LOC112694756: variants seen among roughly 807,000 people sequenced by gnomAD.
At chr16:30,070,290 G>T in the LOC112694756 span, 38 of 1,436,628 alleles carry the variant, frequency 2.6e-5, no homozygotes, top group Non-Finnish European at 3.6e-5. Flanking sequence ...CGCCTCCTCG[G>T]GGCTCCAGGC....
At chr16:30,065,307 TGTGGCCCCTATG>T in the LOC112694756 span, among the ~76,000 whole-genome samples, 1 of 152,324 alleles carries the variant, frequency 6.6e-6, no homozygotes, top group East Asian at 1.9e-4. Flanking sequence ...GACTGCGCGA[TGTGGCCCCTATG>T]GTGACACGCG....
the LOC112694756 span, chr16:30,069,699 C>G: frequency 6.2e-7 from 1 of 1,612,928 alleles, no homozygotes; most frequent in Non-Finnish European, 8.5e-7. Flanking sequence ...ATCTTGATCT[C>G]TATGCAGTAG....
At chr16:30,056,952 C>T in the LOC112694756 span, among the ~76,000 whole-genome samples, 3 of 149,542 alleles carry the variant, frequency 2.0e-5, 1 homozygote, top group South Asian at 6.3e-4. Flanking sequence ...CTCTTGTCAC[C>T]CAGGCTGGAG....
At chr16:30,053,394 G>A in the LOC112694756 span, 1 of 152,762 alleles carries the variant, frequency 6.5e-6, no homozygotes, top group Non-Finnish European at 1.5e-5. Context: ...AACAGGAAAG[G>A]GAAGGAGGGT....
At chr16:30,067,812 T>TAAGTGAA in the LOC112694756 span, 1 of 832,130 alleles carries the variant, frequency 1.2e-6, no homozygotes, top group Non-Finnish European at 2.0e-6. Context: ...ACATTTTTAA[T>TAAGTGAA]CCTCACAATT....
chr16:30,060,793 C>T, the LOC112694756 span, among the ~76,000 whole-genome samples: 2 of 152,166 alleles, frequency 1.3e-5, no homozygotes, highest in Non-Finnish European at 2.9e-5. Context: ...AAGAAAATCA[C>T]TTCTCTCTCC....
chr16:30,055,137 G>A, the LOC112694756 span: 1 of 399,012 alleles, frequency 2.5e-6, no homozygotes, highest in East Asian at 3.6e-5. Flanking sequence ...GTCACTACCT[G>A]CTGCCTATTC....
chr16:30,057,014 T>G, the LOC112694756 span, among the ~76,000 whole-genome samples: 1 of 150,862 alleles, frequency 6.6e-6, no homozygotes, highest in African/African-American at 2.4e-5. Flanking sequence ...GGGTTCAAGC[T>G]ATTCTCCTGC....
At chr16:30,067,276 C>G in the LOC112694756 span, 1 of 1,612,422 alleles carries the variant, frequency 6.2e-7, no homozygotes, top group African/African-American at 1.3e-5. Context: ...ATATCCAGCA[C>G]TGACCCCGGA....
the LOC112694756 span, among the ~76,000 whole-genome samples, chr16:30,053,688 A>T: frequency 6.6e-6 from 1 of 152,210 alleles, no homozygotes; most frequent in Non-Finnish European, 1.5e-5. Context: ...CATTTCTGGT[A>T]TTCCTGGCAA....
At chr16:30,055,288 C>G in the LOC112694756 span, 1 of 399,320 alleles carries the variant, frequency 2.5e-6, no homozygotes, top group Non-Finnish European at 4.4e-6. Context: ...CTAGCCCGGC[C>G]CACTTCCTGG....
At chr16:30,058,111 A>G in the LOC112694756 span, among the ~76,000 whole-genome samples, 1 of 152,134 alleles carries the variant, frequency 6.6e-6, no homozygotes, top group Non-Finnish European at 1.5e-5. Context: ...TTGTAAGGAT[A>G]GACTGGGCCT....
the LOC112694756 span, among the ~76,000 whole-genome samples, chr16:30,059,370 C>T: frequency 4.6e-5 from 7 of 151,498 alleles, no homozygotes; most frequent in South Asian, 4.2e-4. Context: ...TGGTGGCGGG[C>T]GCCTGTAGTC....
At chr16:30,069,711 T>C in the LOC112694756 span, 1 of 1,612,562 alleles carries the variant, frequency 6.2e-7, no homozygotes, top group Non-Finnish European at 8.5e-7. Flanking sequence ...ATGCAGTAGA[T>C]AAGCTCCACC....
chr16:30,064,569 C>G, the LOC112694756 span: 1 of 398,696 alleles, frequency 2.5e-6, no homozygotes, highest in Non-Finnish European at 4.4e-6. Context: ...CCCCTTCCCC[C>G]ATGCCGGGCC....
At chr16:30,057,138 G>A in the LOC112694756 span, among the ~76,000 whole-genome samples, 2 of 151,842 alleles carry the variant, frequency 1.3e-5, no homozygotes, top group Non-Finnish European at 1.5e-5. Context: ...TCGAACTCCC[G>A]ACCTCAGGTT....
chr16:30,069,827 C>T, the LOC112694756 span: 1 of 1,614,126 alleles, frequency 6.2e-7, no homozygotes, highest in Non-Finnish European at 8.5e-7. Context: ...CCCTGCTCTA[C>T]AGGGATCACC....
chr16:30,065,278 G>A, the LOC112694756 span, among the ~76,000 whole-genome samples: 3 of 152,244 alleles, frequency 2.0e-5, no homozygotes, highest in Non-Finnish European at 4.4e-5. Context: ...CAGCCCGCGG[G>A]CGAGGCAGGC....
the LOC112694756 span, chr16:30,067,664 A>T: frequency 6.2e-7 from 1 of 1,614,068 alleles, no homozygotes; most frequent in South Asian, 1.1e-5. Context: ...GCATCAAGGT[A>T]AGGGGAGGGC....
Sources: allele counts gnomAD v4.1 joint callset (sites outside exome capture counted in the v4.1 genomes callset), GRCh38; gene constraint gnomAD v4.1.1; transcripts MANE v1.5.